The following RPS6KA6 variants were observed in gnomAD, a reference collection of about 807,000 sequenced individuals.
RPS6KA6 encodes the protein ribosomal protein S6 kinase alpha-6.
RPS6KA6 carries 27 observed loss-of-function variants against 65.4 expected under a neutral mutation model. That is an observed-to-expected ratio of 0.41 (90% CI 0.30 to 0.57). The LOEUF (loss-of-function observed/expected upper bound fraction) is 0.57. RPS6KA6 is among the 20% of genes least tolerant of loss of function. RPS6KA6 has a pLI of 0.24. For synonymous variants in RPS6KA6, 190 were observed against 184.2 expected, an observed-to-expected ratio of 1.03 and a Z score of -0.26; for missense variants, 486 against 555.6, an observed-to-expected ratio of 0.87 and a Z score of 1.26.
At position 84,115,038 on chromosome X, in the gene RPS6KA6, C is replaced by T. The variant is rs2034537666; in HGVS notation, c.1008+1191G>A. Among the ~76,000 whole-genome samples the T allele has an allele frequency of 2.7e-5, 3 of 112,023 alleles. No homozygotes were observed. The South Asian group carries it at 1.1e-3, about 41-fold the overall frequency. On this transcript the variant is annotated intron_variant, in intron 12 of 21. Transcript: ENST00000262752. ...AAAACCTAGGCAAAACTCTTCTGGA[C>T]ATTGATCTATACAAAGAATTTATGA... is the stretch of plus-strand genomic sequence containing the variant.
At chrX:84,156,267 C>A in intron 2 of RPS6KA6, 76 bp from the exon 3 acceptor site, 1 of 558,969 alleles carries the variant, frequency 1.8e-6, no homozygotes, top group South Asian at 3.0e-5. Context: ...AATCAGAAGT[C>A]ATAATAGAAA....
intron 5 of RPS6KA6, among the ~76,000 whole-genome samples, chrX:84,145,922 C>T (rs1468779297): frequency 9.0e-6 from 1 of 111,254 alleles, no homozygotes; most frequent in Admixed American, 9.6e-5. Flanking sequence ...CAGGATTTCC[C>T]CCTTTTCACA....
intron 15 of RPS6KA6, among the ~76,000 whole-genome samples, chrX:84,106,115 C>A (rs994714105): frequency 9.0e-6 from 1 of 111,574 alleles, no homozygotes; most frequent in Non-Finnish European, 1.9e-5. Context: ...GTAATTATCA[C>A]AACTGCTCAA....
intron 20 of RPS6KA6, among the ~76,000 whole-genome samples, chrX:84,082,597 T>A (rs1330207952): frequency 8.9e-6 from 1 of 111,877 alleles, no homozygotes; most frequent in East Asian, 2.8e-4. Flanking sequence ...AAAAAATTAC[T>A]TTAAATTGCA....
At chrX:84,144,721 C>T (rs889439864) in intron 6 of RPS6KA6, among the ~76,000 whole-genome samples, 1 of 110,959 alleles carries the variant, frequency 9.0e-6, no homozygotes, top group Non-Finnish European at 1.9e-5. Context: ...ATCACTTGTA[C>T]ATGAATGTTT....
At chrX:84,151,771 A>G (rs1246168617) in intron 3 of RPS6KA6, among the ~76,000 whole-genome samples, 1 of 112,223 alleles carries the variant, frequency 8.9e-6, no homozygotes, top group Non-Finnish European at 1.9e-5. Context: ...ATGTCTCATC[A>G]AGGACATTCT....
chrX:84,093,677 T>C (rs1333743059), intron 20 of RPS6KA6, among the ~76,000 whole-genome samples: 2 of 112,347 alleles, frequency 1.8e-5, no homozygotes, highest in African/African-American at 6.5e-5. Flanking sequence ...TTGAGCACAA[T>C]TGGCAATGTT....
intron 20 of RPS6KA6, among the ~76,000 whole-genome samples, chrX:84,081,013 C>T (rs2033785954): frequency 8.9e-6 from 1 of 111,750 alleles, no homozygotes; most frequent in Admixed American, 9.5e-5. Context: ...TAAATGCCCA[C>T]AGGAGAAAGC....
Position 84,063,613 on chromosome X carries a change from C to T in RPS6KA6, c.*664G>A, listed in dbSNP as rs997543071. On this transcript the variant is annotated 3_prime_UTR_variant, in exon 22 of 22. Coordinates refer to ENST00000262752, the MANE Select transcript of RPS6KA6 (RefSeq NM_014496.5). ...AAACCTTTATTTCTAAATGAGGCCA[C>T]TTATTATGGATAATATACAGATCTG... 14 of 111,672 alleles carry T rather than the reference C, an allele frequency of 1.3e-4. No individual in the cohort carries two copies. Among genetic ancestry groups the T allele is most frequent in the African/African-American group, 3.2e-4 (10 of 30,782 alleles). The allele number at this position is 111,672 out of a possible 1,213,427, so 9.2% of individuals were successfully genotyped here.
rs764351087 is a variant in RPS6KA6, at chrX:84,102,771, C to T, written c.1615-573G>A. Among the ~76,000 whole-genome samples, 5 of 110,643 alleles carry T rather than the reference C, an allele frequency of 4.5e-5. No homozygotes were observed. In the East Asian group the frequency reaches 1.4e-3, roughly 31 times the overall value. ...AGGTTTCCATATCTGTGGCTTTTAG[C>T]CTGGGTTTAAGTGCAATCCCTATGG... On this transcript the variant is annotated intron_variant, in intron 17 of 21. Coordinates refer to ENST00000262752, the MANE Select transcript of RPS6KA6 (RefSeq NM_014496.5).
Position 84,059,197 on chromosome X carries a change from T to G in RPS6KA6, c.*5080A>C, listed in dbSNP as rs981155582. 4.1e-4 allele frequency: 37 copies of G among 89,540 alleles called. No individual in the cohort carries two copies. Among genetic ancestry groups the G allele is most frequent in the African/African-American group, 1.5e-3 (35 of 24,009 alleles). The allele number at this position is 89,540 out of a possible 1,213,427, so 7.4% of individuals were successfully genotyped here. On this transcript the variant is annotated 3_prime_UTR_variant, in exon 22 of 22. Coordinates refer to ENST00000262752, the MANE Select transcript of RPS6KA6 (RefSeq NM_014496.5). Reference sequence around the variant, plus strand: ...CCAGGCTGGAGTGAAATTGGCACAATCTCGGCTCACCGCAACCTCTGCCTC... The same window carrying G: ...CCAGGCTGGAGTGAAATTGGCACAAGCTCGGCTCACCGCAACCTCTGCCTC...
chrX:84,116,615 A>G (rs2034572053), intron 11 of RPS6KA6, among the ~76,000 whole-genome samples: 1 of 111,022 alleles, frequency 9.0e-6, no homozygotes, highest in Non-Finnish European at 1.9e-5. Flanking sequence ...AAAGGTACAA[A>G]GGAATAAAGT....
At chrX:84,165,323 A>G (rs1338344189) in intron 1 of RPS6KA6, among the ~76,000 whole-genome samples, 2 of 111,208 alleles carry the variant, frequency 1.8e-5, no homozygotes, top group African/African-American at 6.5e-5. Flanking sequence ...AGTCAAAATG[A>G]AATAAGCTCA....
At chrX:84,085,550 G>A (rs2033900776) in intron 20 of RPS6KA6, among the ~76,000 whole-genome samples, 1 of 111,779 alleles carries the variant, frequency 8.9e-6, no homozygotes, top group Admixed American at 9.5e-5. Flanking sequence ...TGGTGGATAA[G>A]CTTTTTGATG....
intron 1 of RPS6KA6, among the ~76,000 whole-genome samples, chrX:84,172,235 T>C (rs771729873): frequency 8.9e-6 from 1 of 112,094 alleles, no homozygotes; most frequent in African/African-American, 3.2e-5. Context: ...GAATGATTTA[T>C]AATCCTTTGG....
chrX:84,117,040 G>C lies in RPS6KA6; in HGVS notation c.949+20C>G. The C allele has an allele frequency of 2.0e-6, 2 of 1,014,668 alleles. No homozygotes were observed. Among genetic ancestry groups the C allele is most frequent in the Non-Finnish European group, 2.7e-6 (2 of 739,406 alleles). 83.6% of individuals were successfully genotyped at this position (1,014,668 alleles called of 1,213,427 possible). ...AAAACATGCAGTTACTTCTATAAAA[G>C]CTAAGAAAATAAGCAATACCCAATC... On this transcript the variant is annotated intron_variant, in intron 11 of 21. Transcript: ENST00000262752.
chrX:84,108,089 T>A (rs756890913), intron 12 of RPS6KA6, among the ~76,000 whole-genome samples: 12 of 112,278 alleles, frequency 1.1e-4, no homozygotes, highest in Non-Finnish European at 1.7e-4. Context: ...ATCTAAAATA[T>A]TGTTTTCACA....
chrX:84,070,760 C>A (rs1322026207), intron 20 of RPS6KA6, among the ~76,000 whole-genome samples: 1 of 109,887 alleles, frequency 9.1e-6, no homozygotes, highest in African/African-American at 3.3e-5. Flanking sequence ...AATAAATGGA[C>A]AATTAATACT....
intron 20 of RPS6KA6, among the ~76,000 whole-genome samples, chrX:84,091,609 C>T (rs924134620): frequency 1.5e-4 from 17 of 111,683 alleles, no homozygotes; most frequent in Non-Finnish European, 2.6e-4. Flanking sequence ...TAAATTAGTT[C>T]GACCATTGTA....
Sources: gnomAD v4.1 joint callset for allele counts (sites outside exome capture counted in the v4.1 genomes callset) on GRCh38, gnomAD v4.1.1 for gene constraint, MANE v1.5 for transcripts, NCBI Gene and HGNC (gene_info 2026-07-23, HGNC 2026-07-21) for gene names.